Variants in KIF13A observed in about 807,000 individuals in gnomAD.
KIF13A encodes the protein kinesin-like protein KIF13A.
KIF13A carries 79 observed loss-of-function variants against 212.2 expected under a neutral mutation model. The observed-to-expected ratio is 0.37, with a 90% confidence interval of 0.31 to 0.45. KIF13A has a LOEUF of 0.45. Ranked by LOEUF, KIF13A falls within the 20% of genes least tolerant of loss-of-function variation. KIF13A has a pLI of 1.00. For synonymous variants in KIF13A, 789 were observed against 808.6 expected (o/e 0.98, Z 0.41); for missense variants, 1,901 against 2,209.0 (o/e 0.86, Z 2.79).
chr6:17,904,751 G>T (rs1038611224), intron 2 of KIF13A, among the ~76,000 whole-genome samples: 3 of 152,218 alleles, frequency 2.0e-5, no homozygotes, highest in African/African-American at 7.2e-5. Flanking sequence ...TAGCTACTTA[G>T]AAGTTTGGTG....
At chr6:17,863,231 C>T (rs1225819740) in intron 4 of KIF13A, among the ~76,000 whole-genome samples, 1 of 152,134 alleles carries the variant, frequency 6.6e-6, no homozygotes, top group African/African-American at 2.4e-5. Context: ...ATGGTGGTGA[C>T]TCTCACATTT....
chr6:17,900,318 A>C lies in KIF13A; in HGVS notation c.147-2138T>G, dbSNP rs950426941. On this transcript the variant is annotated intron_variant, in intron 2 of 38. Transcript: ENST00000259711. The surrounding 1 kb of genome is among the most constrained non-coding windows in gnomAD (Gnocchi z 4.6). Reference sequence around the variant, plus strand: ...TAGTCAGTAGTACGTTCACCTTCTTAGCTGTCAATAACAAAATTATCCTTT... The same window carrying C: ...TAGTCAGTAGTACGTTCACCTTCTTCGCTGTCAATAACAAAATTATCCTTT... Among the ~76,000 whole-genome samples, 13 of 152,210 alleles carry C rather than the reference A, an allele frequency of 8.5e-5. No homozygotes were observed. Among genetic ancestry groups the C allele is most frequent in the Admixed American group, 6.5e-4 (10 of 15,288 alleles).
At chr6:17,866,574 C>T (rs531838829) in intron 4 of KIF13A, among the ~76,000 whole-genome samples, 2 of 152,164 alleles carry the variant, frequency 1.3e-5, no homozygotes, top group South Asian at 4.1e-4. Context: ...ATAGTTTCTA[C>T]CTGACTGGGT....
chr6:17,898,157 T>C lies in KIF13A; in HGVS notation c.159+11A>G, dbSNP rs1772731575. ...GCCAGTATACATGCCAAATTTCATATTAGTGCTTACCTTGGGAGGTTTCCT... is the reference window on the plus strand; with the variant it reads ...GCCAGTATACATGCCAAATTTCATACTAGTGCTTACCTTGGGAGGTTTCCT... On this transcript the variant is annotated intron_variant, in intron 3 of 38. Coordinates refer to ENST00000259711, the MANE Select transcript of KIF13A (RefSeq NM_022113.6). The surrounding 1 kb of genome is among the most constrained non-coding windows in gnomAD (Gnocchi z 5.2). The C allele has an allele frequency of 6.2e-7, 1 of 1,612,852 alleles. No individual in the cohort carries two copies. The highest frequency in any genetic ancestry group is 8.5e-7 in the Non-Finnish European group (1 of 1,179,280).
rs1158324606 is a variant in KIF13A at position 17,799,925 on chromosome 6, ATGAG to A, written c.2616+23_2616+26del. The A allele has an allele frequency of 6.3e-7, 1 of 1,597,406 alleles. No individual in the cohort carries two copies. Among genetic ancestry groups the A allele is most frequent in the South Asian group, 1.1e-5 (1 of 88,812 alleles). ...GTTTTGCATGAAAAAGGTCATTTAT[ATGAG>A]CCTCCCATCACTGTCCTCTCACCCG... On this transcript the variant is annotated intron_variant, in intron 21 of 38. Transcript: ENST00000259711. This position sits in a 1 kb window ranked among gnomAD's most constrained non-coding sequence, Gnocchi z 4.4.
chr6:17,881,963 T>G (rs752391129), intron 3 of KIF13A: 10 of 454,442 alleles, frequency 2.2e-5, no homozygotes, highest in Non-Finnish European at 4.4e-5. Flanking sequence ...GCCACTGCAC[T>G]CCAGCCTGGG....
In KIF13A at chr6:17,782,988, C is replaced by T. The variant is rs184821054; in HGVS notation, c.3544+658G>A. Among the ~76,000 whole-genome samples, 4 of 152,268 alleles carry T rather than the reference C, an allele frequency of 2.6e-5. No individual in the cohort carries two copies. In the East Asian group the frequency reaches 7.7e-4, roughly 29 times the overall value. On this transcript the variant is annotated intron_variant, in intron 29 of 38. Transcript: ENST00000259711. The stretch of plus-strand genomic sequence containing the variant: ...AAATTCTTCACATGAAGAGCCAAAG[C>T]CACCCTCCCTGTGTCTTCCATCCAT...
chr6:17,930,768 C>T (rs142773375), intron 2 of KIF13A, among the ~76,000 whole-genome samples: 4 of 152,300 alleles, frequency 2.6e-5, no homozygotes, highest in South Asian at 2.1e-4. Context: ...GATTTTAACA[C>T]GCTTCTAACA....
At position 17,816,887 on chromosome 6, in the gene KIF13A, T is replaced by C. The variant is rs1763997458; in HGVS notation, c.2000+133A>G. 1.5e-6 allele frequency: 1 copy of C among 665,226 alleles called. No homozygotes were observed. Among genetic ancestry groups the C allele is most frequent in the Non-Finnish European group, 2.5e-6 (1 of 395,266 alleles). 41.2% of individuals were successfully genotyped at this position (665,226 alleles called of 1,614,324 possible). ...CAATATTTGTGAAAGGAAAAGCTAA[T>C]TGGCAATATCACGTATGGGATTAAG... On this transcript the variant is annotated intron_variant, in intron 17 of 38. Coordinates refer to ENST00000259711, the MANE Select transcript of KIF13A (RefSeq NM_022113.6). The surrounding 1 kb of genome is among the most constrained non-coding windows in gnomAD (Gnocchi z 4.3).
intron 2 of KIF13A, chr6:17,936,362 TG>T: frequency 5.2e-6 from 1 of 192,438 alleles, no homozygotes; most frequent in South Asian, 7.1e-5. Flanking sequence ...GTGGCCAGGC[TG>T]GTGATCTGCC....
chr6:17,937,140 T>A (rs1239917985), intron 2 of KIF13A, among the ~76,000 whole-genome samples: 2 of 152,198 alleles, frequency 1.3e-5, no homozygotes, highest in Non-Finnish European at 2.9e-5. Flanking sequence ...CCGCAGTCAC[T>A]GCACTCTAGC....
At chr6:17,848,349 T>G (rs750184685) in intron 9 of KIF13A, among the ~76,000 whole-genome samples, 1 of 152,078 alleles carries the variant, frequency 6.6e-6, no homozygotes. Context: ...CTAGAACTTA[T>G]TCCTCCAATT....
At chr6:17,943,304 C>G (rs928935900) in intron 2 of KIF13A, among the ~76,000 whole-genome samples, 1 of 152,070 alleles carries the variant, frequency 6.6e-6, no homozygotes, top group Non-Finnish European at 1.5e-5. Context: ...TAATCCCTCT[C>G]TCTCCTGTGT....
At chr6:17,853,251 C>T (rs1302313146) in intron 6 of KIF13A, among the ~76,000 whole-genome samples, 1 of 152,138 alleles carries the variant, frequency 6.6e-6, no homozygotes, top group Non-Finnish European at 1.5e-5. Context: ...CAGTGAGCTA[C>T]TTAGATGCAC....
chr6:17,867,927 C>T (rs561944790), intron 4 of KIF13A, among the ~76,000 whole-genome samples: 2 of 152,200 alleles, frequency 1.3e-5, no homozygotes, highest in Non-Finnish European at 2.9e-5. Flanking sequence ...ATGATGGGAA[C>T]AGAATCAAAC....
intron 2 of KIF13A, among the ~76,000 whole-genome samples, chr6:17,958,874 TTC>T (rs1778573927): frequency 7.5e-6 from 1 of 134,024 alleles, no homozygotes; most frequent in African/African-American, 2.8e-5. Context: ...CTTTTTCTTT[TTC>T]TTTTTTTTTT....
intron 2 of KIF13A, among the ~76,000 whole-genome samples, chr6:17,970,942 C>A (rs1448992226): frequency 6.6e-6 from 1 of 152,202 alleles, no homozygotes; most frequent in Non-Finnish European, 1.5e-5. Context: ...GGAAAAGCTG[C>A]AGCTCAGAGA....
At chr6:17,913,875 G>T (rs1581715321) in intron 2 of KIF13A, among the ~76,000 whole-genome samples, 1 of 152,182 alleles carries the variant, frequency 6.6e-6, no homozygotes, top group Non-Finnish European at 1.5e-5. Context: ...ATGGAATCTG[G>T]AAACACCACC....
chr6:17,799,555 G>T lies in KIF13A; in HGVS notation c.2617-116C>A. 2.4e-6 allele frequency: 2 copies of T among 817,872 alleles called. No homozygotes were observed. Among genetic ancestry groups the T allele is most frequent in the South Asian group, 2.0e-5 (1 of 49,286 alleles). The allele number at this position is 817,872 out of a possible 1,614,324, so 50.7% of individuals were successfully genotyped here. A position where few individuals can be genotyped will look rare whatever the true frequency, so the allele number is the denominator to read the frequency against. On this transcript the variant is annotated intron_variant, in intron 21 of 38. Coordinates refer to ENST00000259711, the MANE Select transcript of KIF13A (RefSeq NM_022113.6). This position sits in a 1 kb window ranked among gnomAD's most constrained non-coding sequence, Gnocchi z 4.4. ...CAAATTGGTCATCCATTTGACATGT[G>T]AAAATATTATATCTGACACCGTGAC... is the stretch of plus-strand genomic sequence containing the variant.
Sources: gnomAD v4.1 joint callset for allele counts (sites outside exome capture counted in the v4.1 genomes callset) on GRCh38, gnomAD v4.1.1 for gene constraint, Gnocchi (gnomAD v3.1) non-coding constraint, MANE v1.5 for transcripts, NCBI Gene and HGNC (gene_info 2026-07-23, HGNC 2026-07-21) for gene names.